Variants in TRIM67 observed in about 807,000 individuals in gnomAD.
The protein encoded by TRIM67 is tripartite motif-containing protein 67.
A neutral mutation model predicts 71.0 loss-of-function variants in TRIM67; 39 were observed. That is an observed-to-expected ratio of 0.55 (90% CI 0.43 to 0.72). TRIM67 has a LOEUF of 0.72. Among genes scored for constraint, TRIM67 ranks in the 30% least tolerant of loss-of-function variants. The pLI, the probability that TRIM67 is intolerant of heterozygous loss-of-function variation, is 0.00. For synonymous variants in TRIM67, 481 were observed against 473.9 expected, an observed-to-expected ratio of 1.01 and a Z score of -0.19; for missense variants, 973 against 1,079.2, an observed-to-expected ratio of 0.90 and a Z score of 1.38.
In TRIM67 at chr1:231,163,484, G is replaced by A. The variant is rs1164845094; in HGVS notation, c.515G>A (p.Gly172Asp). 6.6e-7 allele frequency: 1 copy of A among 1,525,744 alleles called. No homozygotes were observed. The highest frequency in any genetic ancestry group is 1.4e-5 in the African/African-American group (1 of 70,358). The allele number at this position is 1,525,744 out of a possible 1,614,324, so 94.5% of individuals were successfully genotyped here. Residue 172 changes from glycine to aspartate, a missense_variant, in exon 1 of 10, where the codon GGC (glycine) becomes GAC (aspartate). By Grantham distance (94) the Gly-to-Asp change is moderately conservative (BLOSUM62 -1). Around this residue, in one of 2 missense-constraint regions of TRIM67, gnomAD observed 795 missense variants for 831.3 expected, o/e 0.96. Coordinates refer to ENST00000366653, the MANE Select transcript of TRIM67 (RefSeq NM_001004342.5). ...CHRSASLDHR[G>D]LRGFQRNRLL... Reference sequence around the variant, plus strand: ...CGCAGCGCATCCCTGGACCACCGCGGCCTGCGCGGCTTCCAGCGCAACCGG... The same window carrying A: ...CGCAGCGCATCCCTGGACCACCGCGACCTGCGCGGCTTCCAGCGCAACCGG...
intron 1 of TRIM67, among the ~76,000 whole-genome samples, chr1:231,193,503 G>GCTCTCTCCCTCTCT (rs71567055): frequency 1.2e-5 from 1 of 81,946 alleles, no homozygotes; most frequent in Admixed American, 1.6e-4. Context: ...TCTCTCTCAA[G>GCTCTCTCCCTCTCT]CTCTCTCTCT....
intron 1 of TRIM67, among the ~76,000 whole-genome samples, chr1:231,173,782 C>T (rs968433509): frequency 7.2e-5 from 11 of 151,996 alleles, no homozygotes; most frequent in Non-Finnish European, 1.2e-4. Context: ...AGCTCTCTGA[C>T]GGTGGTTTGG....
intron 1 of TRIM67, among the ~76,000 whole-genome samples, chr1:231,189,767 A>C (rs1683186192): frequency 6.6e-6 from 1 of 151,976 alleles, no homozygotes; most frequent in South Asian, 2.1e-4. Flanking sequence ...ACCACCTCCC[A>C]AAGTCCCCAC....
chr1:231,201,845 C>T (rs563945561), intron 5 of TRIM67, among the ~76,000 whole-genome samples: 29 of 152,376 alleles, frequency 1.9e-4, no homozygotes, highest in South Asian at 1.0e-3. Flanking sequence ...GCTCAAGATG[C>T]GGTTGAACAA....
chr1:231,195,748 C>A (rs942853906), intron 1 of TRIM67, among the ~76,000 whole-genome samples: 1 of 152,232 alleles, frequency 6.6e-6, no homozygotes, highest in African/African-American at 2.4e-5. Context: ...GCTGCACTTG[C>A]ACAGTCCAGG....
rs1682849034 is a variant in TRIM67 at position 231,179,702 on chromosome 1, A to T, written c.1044+15689A>T. Among the ~76,000 whole-genome samples the T allele has an allele frequency of 2.0e-5, 3 of 152,212 alleles. No individual in the cohort carries two copies. In the South Asian group the frequency reaches 6.2e-4, roughly 32 times the overall value. ...GAAACAAGAAGAGAGCTGGCAATTG[A>T]AAGAAAATTGAAAGTTACTAACTCA... On this transcript the variant is annotated intron_variant, in intron 1 of 9. Transcript: ENST00000366653.
At chr1:231,170,629 T>C (rs1682597817) in intron 1 of TRIM67, among the ~76,000 whole-genome samples, 1 of 152,162 alleles carries the variant, frequency 6.6e-6, no homozygotes, top group African/African-American at 2.4e-5. Flanking sequence ...TATAGAGTGT[T>C]CTAGATGGGA....
chr1:231,169,419 C>T (rs1481132925), intron 1 of TRIM67, among the ~76,000 whole-genome samples: 1 of 139,738 alleles, frequency 7.2e-6, no homozygotes, highest in African/African-American at 2.7e-5. Context: ...CTCTTATAAC[C>T]CAGACTGGAG....
At chr1:231,183,585 G>A (rs78919655) in intron 1 of TRIM67, among the ~76,000 whole-genome samples, 2,283 of 152,186 alleles carry the variant, frequency 0.015, 61 homozygotes, top group African/African-American at 0.052. Flanking sequence ...CTGCAATCCA[G>A]ACTGGACAAC....
chr1:231,198,682 G>A (rs1372280039), intron 2 of TRIM67, among the ~76,000 whole-genome samples: 1 of 152,060 alleles, frequency 6.6e-6, no homozygotes, highest in East Asian at 1.9e-4. Flanking sequence ...TGCCGCGCCG[G>A]GCCTGTTCTA....
intron 1 of TRIM67, chr1:231,184,806 C>A: frequency 1.7e-6 from 1 of 584,712 alleles, no homozygotes; most frequent in South Asian, 2.0e-5. Context: ...TCCATGCACA[C>A]CATCATTAAA....
At chr1:231,188,278 C>T (rs1353533817) in intron 1 of TRIM67, among the ~76,000 whole-genome samples, 4 of 152,206 alleles carry the variant, frequency 2.6e-5, no homozygotes, top group Non-Finnish European at 5.9e-5. Flanking sequence ...AAAGCCCAGA[C>T]TGATGGCAAC....
rs1683802988 is a variant in TRIM67 at position 231,209,364 on chromosome 1, A to G, written c.2123+114A>G. ...AAGCCAGGAGGAATTGAGAGGAGGT[A>G]TTTTCAGCCACTTTGGTCTCCATTT... On this transcript the variant is annotated intron_variant, in intron 8 of 9. Transcript: ENST00000366653. The surrounding 1 kb of genome is among the most constrained non-coding windows in gnomAD (Gnocchi z 4.1). 8.2e-7 allele frequency: 1 copy of G among 1,215,822 alleles called. No homozygotes were observed. Among genetic ancestry groups the G allele is most frequent in the East Asian group, 2.7e-5 (1 of 37,250 alleles). 75.3% of individuals were successfully genotyped at this position (1,215,822 alleles called of 1,614,324 possible).
chr1:231,184,855 A>G (rs1683015102), intron 1 of TRIM67: 2 of 658,192 alleles, frequency 3.0e-6, no homozygotes, highest in Admixed American at 2.8e-5. Context: ...CATCACCCCA[A>G]TTCACACGTG....
intron 8 of TRIM67, 86 bp from the exon 9 acceptor site, chr1:231,213,729 T>G (rs1291064773): frequency 6.9e-7 from 1 of 1,456,996 alleles, no homozygotes; most frequent in African/African-American, 1.4e-5. Flanking sequence ...AGACCGTGTC[T>G]CTAAATAAGT....
chr1:231,178,373 G>A lies in TRIM67; in HGVS notation c.1044+14360G>A, dbSNP rs779840001. Among the ~76,000 whole-genome samples, 7 of 152,108 alleles carry A rather than the reference G, an allele frequency of 4.6e-5. No individual in the cohort carries two copies. In the East Asian group the frequency reaches 9.6e-4, roughly 21 times the overall value. ...ACTCCTCCTTTTGCCATGGACTGAC[G>A]GCATATTAAATGAGATCATGCATTT... is the stretch of plus-strand genomic sequence containing the variant. On this transcript the variant is annotated intron_variant, in intron 1 of 9. Transcript: ENST00000366653.
At chr1:231,165,583 G>A (rs1682438396) in intron 1 of TRIM67, among the ~76,000 whole-genome samples, 1 of 152,154 alleles carries the variant, frequency 6.6e-6, no homozygotes, top group Admixed American at 6.5e-5. Flanking sequence ...ACATGAGCTG[G>A]CAACTTTTGG....
chr1:231,176,906 C>CAAAA (rs56115614), intron 1 of TRIM67, among the ~76,000 whole-genome samples: 772 of 74,382 alleles, frequency 0.01, 45 homozygotes, highest in African/African-American at 0.043. Context: ...TACAATCTGG[C>CAAAA]AAAAAAAAAA....
rs1004715742 is a variant in TRIM67 at position 231,162,376 on chromosome 1, C to A, written c.-594C>A. ...ACCCGGCGGGTGGCGGCCCAGGGGT[C>A]GGCGAGCAGGCAGCTGGAGCCCCAC... On this transcript the variant is annotated 5_prime_UTR_variant, in exon 1 of 10. Coordinates refer to ENST00000366653, the MANE Select transcript of TRIM67 (RefSeq NM_001004342.5). 5 of 152,234 alleles carry A rather than the reference C, an allele frequency of 3.3e-5. No individual in the cohort carries two copies. Among genetic ancestry groups the A allele is most frequent in the African/African-American group, 9.6e-5 (4 of 41,458 alleles). 9.4% of individuals were successfully genotyped at this position (152,234 alleles called of 1,614,324 possible). A position where few individuals can be genotyped will look rare whatever the true frequency, so the allele number is the denominator to read the frequency against.
Sources: gnomAD v4.1 joint callset for allele counts (sites outside exome capture counted in the v4.1 genomes callset) on GRCh38, gnomAD v4.1.1 for gene constraint, gnomAD v4.1.1 regional missense constraint, Gnocchi (gnomAD v3.1) non-coding constraint, MANE v1.5 for transcripts, NCBI Gene and HGNC (gene_info 2026-07-23, HGNC 2026-07-21) for gene names.